The following MAP2K5 variants were observed in gnomAD, a reference collection of about 807,000 sequenced individuals.
The protein encoded by MAP2K5 is dual specificity mitogen-activated protein kinase kinase 5.
MAP2K5 carries 49 observed loss-of-function variants against 83.1 expected under a neutral mutation model. That is an observed-to-expected ratio of 0.59 (90% confidence interval 0.47 to 0.75). The LOEUF is 0.75. MAP2K5 is among the 30% of genes least tolerant of loss of function. MAP2K5 has a pLI of 0.00. For missense variants in MAP2K5, 457 were observed against 557.5 expected (o/e 0.82, Z 1.82); for synonymous variants, 202 against 191.8 (o/e 1.05, Z -0.44).
At chr15:67,795,267 A>G (rs1291555862) in intron 21 of MAP2K5, among the ~76,000 whole-genome samples, 1 of 151,936 alleles carries the variant, frequency 6.6e-6, no homozygotes, top group Non-Finnish European at 1.5e-5. Flanking sequence ...ATTATTTGCC[A>G]TCTTATGATT....
At chr15:67,582,024 G>C (rs2085187736) in intron 4 of MAP2K5, among the ~76,000 whole-genome samples, 1 of 138,682 alleles carries the variant, frequency 7.2e-6, no homozygotes, top group Non-Finnish European at 1.6e-5. Flanking sequence ...TGCTATTTCT[G>C]TTTATTAGTC....
intron 16 of MAP2K5, among the ~76,000 whole-genome samples, chr15:67,715,644 T>A (rs1455963634): frequency 2.0e-5 from 3 of 152,058 alleles, no homozygotes; most frequent in Non-Finnish European, 4.4e-5. Flanking sequence ...AATTTGAAAT[T>A]TAAAAAAAAG....
chr15:67,726,884 G>A (rs2089107688), intron 16 of MAP2K5, among the ~76,000 whole-genome samples: 1 of 152,168 alleles, frequency 6.6e-6, no homozygotes, highest in African/African-American at 2.4e-5. Context: ...TCTTTAAATA[G>A]GTTTTTGTAT....
At chr15:67,667,157 T>C (rs958629255) in intron 13 of MAP2K5, among the ~76,000 whole-genome samples, 10 of 152,136 alleles carry the variant, frequency 6.6e-5, no homozygotes, top group Non-Finnish European at 1.5e-4. Flanking sequence ...ATTTTAGAGG[T>C]TTTGTCCATA....
At chr15:67,805,270 G>T (rs1229845219) in intron 21 of MAP2K5, among the ~76,000 whole-genome samples, 1 of 152,210 alleles carries the variant, frequency 6.6e-6, no homozygotes, top group Non-Finnish European at 1.5e-5. Flanking sequence ...AGAAGGTTGG[G>T]GGCGGGCACT....
chr15:67,727,590 T>C (rs1204870890), intron 16 of MAP2K5, among the ~76,000 whole-genome samples: 1 of 152,216 alleles, frequency 6.6e-6, no homozygotes, highest in Admixed American at 6.5e-5. Flanking sequence ...AGTTTTTACA[T>C]CTCTGTCTAG....
Position 67,563,654 on chromosome 15 carries a change from A to G in MAP2K5, c.252+304A>G, listed in dbSNP as rs1368377466. On this transcript the variant is annotated intron_variant, in intron 3 of 21. Coordinates refer to ENST00000178640, the MANE Select transcript of MAP2K5 (RefSeq NM_145160.3). This position sits in a 1 kb window ranked among gnomAD's most constrained non-coding sequence, Gnocchi z 4.5. ...TATGCAGTACTTAAAGTAACGGCTCATTAAAAATGAACCCCTGGGCTCTAA... is the reference window on the plus strand; with the variant it reads ...TATGCAGTACTTAAAGTAACGGCTCGTTAAAAATGAACCCCTGGGCTCTAA... Among the ~76,000 whole-genome samples, 1 of 152,216 alleles carries G rather than the reference A, an allele frequency of 6.6e-6. No homozygotes were observed. Among genetic ancestry groups the G allele is most frequent in the African/African-American group, 2.4e-5 (1 of 41,464 alleles).
At chr15:67,619,787 C>T (rs1193247590) in intron 8 of MAP2K5, among the ~76,000 whole-genome samples, 1 of 151,018 alleles carries the variant, frequency 6.6e-6, no homozygotes, top group African/African-American at 2.4e-5. Context: ...AAAAATTAGC[C>T]AGCCATGGCG....
chr15:67,789,905 G>A (rs2141330491), intron 21 of MAP2K5, among the ~76,000 whole-genome samples: 1 of 152,154 alleles, frequency 6.6e-6, no homozygotes. Flanking sequence ...TGAAGGGGGT[G>A]GACACAATTT....
intron 17 of MAP2K5, among the ~76,000 whole-genome samples, chr15:67,740,001 C>G (rs561263910): frequency 3.9e-5 from 6 of 152,216 alleles, no homozygotes; most frequent in East Asian, 1.9e-4. Context: ...GGGAAGCTGT[C>G]TTAGAAATCT....
rs145657343 is a variant in MAP2K5, at chr15:67,552,052, T to A, written c.184+1970T>A. ...CAGTGACTTACCCTGTAAAGTGGAC[T>A]TGGGGCCTGAGGCTTGGGTTGGTGG... On this transcript the variant is annotated intron_variant, in intron 2 of 21. Transcript: ENST00000178640. The surrounding 1 kb of genome is among the most constrained non-coding windows in gnomAD (Gnocchi z 4.2). Among the ~76,000 whole-genome samples the A allele has an allele frequency of 4.6e-3, 698 of 152,144 alleles. 6 individuals are homozygous for A. Among genetic ancestry groups the A allele is most frequent in the African/African-American group, 0.016 (673 of 41,512 alleles).
chr15:67,798,786 T>C (rs2090650991), intron 21 of MAP2K5, among the ~76,000 whole-genome samples: 1 of 152,174 alleles, frequency 6.6e-6, no homozygotes, highest in Non-Finnish European at 1.5e-5. Context: ...AAATGACATG[T>C]CACAGCTGCA....
At chr15:67,756,494 A>T (rs1029577286) in intron 19 of MAP2K5, among the ~76,000 whole-genome samples, 1 of 150,966 alleles carries the variant, frequency 6.6e-6, no homozygotes, top group Non-Finnish European at 1.5e-5. Flanking sequence ...AAGCTAATAT[A>T]TCTAACCCCA....
Position 67,750,978 on chromosome 15 carries a change from G to A in MAP2K5, c.1134+2377G>A, listed in dbSNP as rs1023659745. ...TGGCGTCACATACAAAATAGCTATC[G>A]CAAAGCCCAGTGTAACATATTTTCT... is the stretch of plus-strand genomic sequence containing the variant. On this transcript the variant is annotated intron_variant, in intron 19 of 21. Coordinates refer to ENST00000178640, the MANE Select transcript of MAP2K5 (RefSeq NM_145160.3). This position sits in a 1 kb window ranked among gnomAD's most constrained non-coding sequence, Gnocchi z 4.2. 1.3e-5 allele frequency among the ~76,000 whole-genome samples: 2 copies of A among 152,054 alleles called. No individual in the cohort carries two copies. Among genetic ancestry groups the A allele is most frequent in the African/African-American group, 2.4e-5 (1 of 41,384 alleles).
At chr15:67,594,422 A>G (rs2085479624) in intron 7 of MAP2K5, among the ~76,000 whole-genome samples, 1 of 152,226 alleles carries the variant, frequency 6.6e-6, no homozygotes, top group African/African-American at 2.4e-5. Context: ...TGTGTTCTTC[A>G]GCTGGAAAAT....
intron 8 of MAP2K5, among the ~76,000 whole-genome samples, chr15:67,619,119 G>GAAA (rs376422120): frequency 1.1e-4 from 17 of 152,180 alleles, no homozygotes; most frequent in African/African-American, 4.1e-4. Context: ...TTGGGCTTTT[G>GAAA]AACTTGCTGT....
intron 8 of MAP2K5, among the ~76,000 whole-genome samples, chr15:67,611,611 G>T (rs922689868): frequency 6.6e-6 from 1 of 152,138 alleles, no homozygotes; most frequent in Non-Finnish European, 1.5e-5. Flanking sequence ...ATGTAGCTGA[G>T]CACACTAGGT....
At position 67,793,407 on chromosome 15, in the gene MAP2K5, C is replaced by T. The variant is rs1049323597; in HGVS notation, c.1243-13239C>T. On this transcript the variant is annotated intron_variant, in intron 21 of 21. Transcript: ENST00000178640. The surrounding 1 kb of genome is among the most constrained non-coding windows in gnomAD (Gnocchi z 4.6). Reference sequence around the variant, plus strand: ...TGTCCCTAGGCTGGTTGACCCCAAGCTGGTTTTTTGTTTTTGTTGTATAGT... The same window carrying T: ...TGTCCCTAGGCTGGTTGACCCCAAGTTGGTTTTTTGTTTTTGTTGTATAGT... 2.0e-5 allele frequency among the ~76,000 whole-genome samples: 3 copies of T among 152,170 alleles called. No individual in the cohort carries two copies. The highest frequency in any genetic ancestry group is 4.4e-5 in the Non-Finnish European group (3 of 68,042).
intron 8 of MAP2K5, among the ~76,000 whole-genome samples, chr15:67,619,306 T>TA (rs1188827891): frequency 6.6e-6 from 1 of 152,172 alleles, no homozygotes; most frequent in East Asian, 1.9e-4. Flanking sequence ...TCAATGCACT[T>TA]ACCCCCACCT....
Sources: allele counts gnomAD v4.1 joint callset (sites outside exome capture counted in the v4.1 genomes callset), GRCh38; gene constraint gnomAD v4.1.1; non-coding constraint Gnocchi (gnomAD v3.1); transcripts MANE v1.5; gene names NCBI Gene and HGNC (gene_info 2026-07-23, HGNC 2026-07-21).